The following CCDC158 variants were observed in gnomAD, a reference collection of about 807,000 sequenced individuals.
The protein encoded by CCDC158 is coiled-coil domain-containing protein 158.
CCDC158 carries 116 observed loss-of-function variants against 138.6 expected under a neutral mutation model. The ratio of observed to expected loss-of-function variants is 0.84; its 90% CI spans 0.72 to 0.98. CCDC158 has a LOEUF of 0.98. Among genes scored for constraint, CCDC158 ranks in the 50% least tolerant of loss-of-function variants. The pLI, the probability that CCDC158 is intolerant of heterozygous loss-of-function variation, is 0.00. For missense variants in CCDC158, 1,265 were observed against 1,306.1 expected (o/e 0.97, Z 0.48); for synonymous variants, 436 against 442.4 (o/e 0.99, Z 0.18).
At chr4:76,332,607 A>C in intron 19 of CCDC158, 116 bp from the exon 20 acceptor site, 1 of 719,680 alleles carries the variant, frequency 1.4e-6, no homozygotes, top group Non-Finnish European at 2.2e-6. Context: ...ACAGCTGTAG[A>C]TTTTAGGCCT....
At chr4:76,409,429 G>C (rs116740091) in intron 2 of CCDC158, among the ~76,000 whole-genome samples, 2,432 of 152,228 alleles carry the variant, frequency 0.016, 23 homozygotes, top group Non-Finnish European at 0.023. Context: ...GTAAAATACA[G>C]AGGTGAGATC....
chr4:76,386,479 A>G (rs936039369), intron 4 of CCDC158, among the ~76,000 whole-genome samples: 1 of 152,222 alleles, frequency 6.6e-6, no homozygotes, highest in Non-Finnish European at 1.5e-5. Flanking sequence ...TAAACTCCCA[A>G]AAATTCAGTA....
At chr4:76,355,797 A>AAGTG (rs1309308231) in intron 14 of CCDC158, among the ~76,000 whole-genome samples, 5 of 35,880 alleles carry the variant, frequency 1.4e-4, no homozygotes, top group Middle Eastern at 0.013. Flanking sequence ...TAATATATGT[A>AAGTG]CGTGTGTGTG....
In CCDC158 at chr4:76,334,146, G is replaced by C. The variant is rs1197265121; in HGVS notation, c.2686C>G (p.Leu896Val). The part of the protein sequence containing the change: ...LSHHSTKANT[L>V]KEDPTRDLKQ... ...AGGTCCCTTGTTGGATCTTCCTTCA[G>C]TGTGTTAGCTTTTGTAGAGTGCTGA... Residue 896 changes from leucine to valine, a missense_variant, in exon 19 of 25, where the codon CTG (leucine) becomes GTG (valine). Physicochemically the swap from Leu to Val is conservative, Grantham distance 32 (BLOSUM62 1). Transcript: ENST00000682701. The C allele has an allele frequency of 1.7e-5, 28 of 1,610,984 alleles. No homozygotes were observed. Among genetic ancestry groups the C allele is most frequent in the Non-Finnish European group, 2.2e-5 (26 of 1,178,134 alleles).
intron 18 of CCDC158, among the ~76,000 whole-genome samples, chr4:76,346,245 T>C (rs1298193020): frequency 6.6e-6 from 1 of 152,158 alleles, no homozygotes; most frequent in East Asian, 1.9e-4. Flanking sequence ...TCAAGATGGA[T>C]TAAAGACTTA....
At chr4:76,340,001 G>T (rs1272455757) in intron 18 of CCDC158, among the ~76,000 whole-genome samples, 1 of 152,184 alleles carries the variant, frequency 6.6e-6, no homozygotes, top group African/African-American at 2.4e-5. Flanking sequence ...CCGCTCCAGA[G>T]ATTTCTTTTA....
At chr4:76,365,587 C>T (rs1260651982) in intron 12 of CCDC158, among the ~76,000 whole-genome samples, 3 of 152,176 alleles carry the variant, frequency 2.0e-5, no homozygotes, top group South Asian at 2.1e-4. Flanking sequence ...GGCTTCTTCC[C>T]GGGCTTGGAA....
At position 76,371,423 on chromosome 4, in the gene CCDC158, C is replaced by G. The variant is rs1321015509; in HGVS notation, c.1143G>C (p.Lys381Asn). ...ESGNLDDQLQ[K>N]LLADLHKREK... ...TTTTAAAGCATAATCTTACCAACAG[C>G]TTTTGAAGTTGATCATCTAAATTTC... The change falls in exon 10 of 25, where the codon AAG (lysine) becomes AAC (asparagine). Residue 381 changes from lysine (K) to asparagine (N), a missense_variant. Coordinates refer to ENST00000682701, the MANE Select transcript of CCDC158 (RefSeq NM_001394954.1). 6.2e-7 allele frequency: 1 copy of G among 1,613,940 alleles called. No individual in the cohort carries two copies. The highest frequency in any genetic ancestry group is 1.1e-5 in the South Asian group (1 of 91,050).
rs766918791 is a variant in CCDC158, at chr4:76,383,741, G to T, written c.727-3C>A. The T allele has an allele frequency of 1.9e-6, 3 of 1,609,178 alleles. No individual in the cohort carries two copies. The South Asian group carries it at 3.3e-5, about 18-fold the overall frequency. On this transcript the variant is annotated splice_polypyrimidine_tract_variant and splice_region_variant and intron_variant, in intron 6 of 24. Coordinates refer to ENST00000682701, the MANE Select transcript of CCDC158 (RefSeq NM_001394954.1). ...AGTGCTTCAAGTTGATCCTCTACCT[G>T]GTTTTTAAAAAGAGACACTGATTTA...
chr4:76,341,581 C>A (rs1037602338), intron 18 of CCDC158, among the ~76,000 whole-genome samples: 1 of 152,182 alleles, frequency 6.6e-6, no homozygotes, highest in Non-Finnish European at 1.5e-5. Flanking sequence ...ATCTGATACA[C>A]AACCAAAATC....
In CCDC158 at chr4:76,351,101, G is replaced by A. The variant is rs1213619633; in HGVS notation, c.2559C>T (p.Tyr853=). The A allele has an allele frequency of 1.9e-6, 3 of 1,613,682 alleles. No homozygotes were observed. The highest frequency in any genetic ancestry group is 2.2e-5 in the South Asian group (2 of 91,038). ...GTGGTTTCAATGAAGAATTTGAGGT[G>A]TATCCAGGGCCCTGAAGTTCCTGGA... is the stretch of plus-strand genomic sequence containing the variant. ...LDIKELQGPG[Y]TSNSSLKPRL... Residue 853 remains tyrosine (Y), a synonymous_variant, in exon 18 of 25, where the codon TAC becomes TAT. Coordinates refer to ENST00000682701, the MANE Select transcript of CCDC158 (RefSeq NM_001394954.1).
chr4:76,317,806 A>G, intron 24 of CCDC158, among the ~76,000 whole-genome samples: 1 of 152,226 alleles, frequency 6.6e-6, no homozygotes, highest in East Asian at 1.9e-4. Context: ...GATATCAAGT[A>G]TTCTCTCAGA....
In CCDC158 at chr4:76,420,093, A is replaced by C. The variant is rs373774491; in HGVS notation, c.-117+872T>G. 3.9e-5 allele frequency among the ~76,000 whole-genome samples: 6 copies of C among 152,002 alleles called. No individual in the cohort carries two copies. In the East Asian group the frequency reaches 1.2e-3, roughly 29 times the overall value. On this transcript the variant is annotated intron_variant, in intron 1 of 24. Transcript: ENST00000682701. ...CCATTTCACCCACAACACAAGTAAG[A>C]TAACCGCACTAAGATTAAAAGCAAT...
intron 24 of CCDC158, among the ~76,000 whole-genome samples, chr4:76,315,778 T>A (rs544575305): frequency 1.3e-5 from 2 of 152,308 alleles, no homozygotes; most frequent in Admixed American, 1.3e-4. Context: ...GACGTGAAGA[T>A]GAATCACATC....
chr4:76,335,904 GGGCGCGGTGGCTCACAC>G (rs1265668524), intron 18 of CCDC158, among the ~76,000 whole-genome samples: 1 of 151,876 alleles, frequency 6.6e-6, no homozygotes, highest in Admixed American at 6.5e-5. Flanking sequence ...TCAATTGGCA[GGGCGCGGTGGCTCACAC>G]CTGTAATCCC....
chr4:76,361,436 C>T lies in CCDC158; in HGVS notation c.2020+690G>A, dbSNP rs570622930. The stretch of plus-strand genomic sequence containing the variant: ...AATTAGCCAGGCGTGGTGGTGGGCG[C>T]CTGTAGTCCCAGCTACTTGGGAGGC... On this transcript the variant is annotated intron_variant, in intron 13 of 24. Coordinates refer to ENST00000682701, the MANE Select transcript of CCDC158 (RefSeq NM_001394954.1). Among the ~76,000 whole-genome samples, 13 of 152,184 alleles carry T rather than the reference C, an allele frequency of 8.5e-5. No homozygotes were observed. In the South Asian group the frequency reaches 2.7e-3, roughly 32 times the overall value.
chr4:76,338,435 C>T (rs58541897), intron 18 of CCDC158, among the ~76,000 whole-genome samples: 4 of 152,174 alleles, frequency 2.6e-5, no homozygotes, highest in African/African-American at 9.7e-5. Flanking sequence ...TCGCTTGAAC[C>T]TGGGAGGCAG....
At chr4:76,322,594 A>G (rs1029909599) in intron 24 of CCDC158, among the ~76,000 whole-genome samples, 2 of 152,220 alleles carry the variant, frequency 1.3e-5, no homozygotes, top group Non-Finnish European at 2.9e-5. Flanking sequence ...ATTTTCCTTT[A>G]CCCAGCAATT....
chr4:76,384,205 T>G lies in CCDC158; in HGVS notation c.609A>C (p.Lys203Asn). The change falls in exon 6 of 25, where the codon AAA becomes AAC. Residue 203 changes from lysine (K) to asparagine (N), a missense_variant. Coordinates refer to ENST00000682701, the MANE Select transcript of CCDC158 (RefSeq NM_001394954.1). Reference protein sequence around the residue: ...LVDFEEASGKKICEHDSMSTL... With the variant: ...LVDFEEASGKNICEHDSMSTL... ...TAGACATGCTGTCATGTTCACATAT[T>G]TTTTTGCCTGAGGCTTCTTCAAAGT... The G allele has an allele frequency of 6.2e-7, 1 of 1,614,176 alleles. No homozygotes were observed. Among genetic ancestry groups the G allele is most frequent in the Non-Finnish European group, 8.5e-7 (1 of 1,180,016 alleles).
Sources: gnomAD v4.1 joint callset for allele counts (sites outside exome capture counted in the v4.1 genomes callset) on GRCh38, gnomAD v4.1.1 for gene constraint, MANE v1.5 for transcripts, NCBI Gene and HGNC (gene_info 2026-07-23, HGNC 2026-07-21) for gene names.